Variants in MYO1E observed in about 807,000 individuals in gnomAD.
MYO1E encodes unconventional myosin-Ie.
Under a neutral mutation model 151.1 loss-of-function variants are expected in MYO1E, and 68 were observed. The observed-to-expected ratio is 0.45, with a 90% CI of 0.37 to 0.55. The LOEUF is 0.55. Ranked by LOEUF, MYO1E falls within the 20% of genes least tolerant of loss-of-function variation. The pLI is 0.00. For missense variants in MYO1E, 1,363 were observed against 1,389.3 expected (o/e 0.98, Z 0.30); for synonymous variants, 601 against 501.7 (o/e 1.20, Z -2.64).
chr15:59,305,472 GC>G (rs2080509587), intron 1 of MYO1E, among the ~76,000 whole-genome samples: 1 of 152,172 alleles, frequency 6.6e-6, no homozygotes, highest in Non-Finnish European at 1.5e-5. Flanking sequence ...TAGGATTACA[GC>G]CATGAGCCAC....
intron 1 of MYO1E, among the ~76,000 whole-genome samples, chr15:59,289,128 C>G (rs2080404743): frequency 6.6e-6 from 1 of 152,204 alleles, no homozygotes. Context: ...CGGGGCCATC[C>G]TGGACTGGAA....
At position 59,178,398 on chromosome 15, in the gene MYO1E, C is replaced by T; in HGVS notation, c.2044G>A (p.Glu682Lys). The T allele has an allele frequency of 1.9e-6, 3 of 1,614,184 alleles. No homozygotes were observed. Among genetic ancestry groups the T allele is most frequent in the Non-Finnish European group, 1.7e-6 (2 of 1,180,006 alleles). ...AGAGCCAGCCAAGCACTCACAGACT[C>T]GGGGGCTTTGATGAACACTTTACTC... ...GRSKVFIKAP[E>K]SLFLLEEMRE... The change falls in exon 19 of 28, where the codon GAG (glutamate) becomes AAG (lysine). Residue 682 changes from glutamate (E) to lysine (K), a missense_variant. Coordinates refer to ENST00000288235, the MANE Select transcript of MYO1E (RefSeq NM_004998.4).
intron 1 of MYO1E, among the ~76,000 whole-genome samples, chr15:59,295,749 A>G (rs1373181489): frequency 3.9e-5 from 6 of 152,170 alleles, no homozygotes; most frequent in African/African-American, 1.2e-4. Flanking sequence ...AAGGCTGGCA[A>G]AATTCCCCTC....
intron 1 of MYO1E, among the ~76,000 whole-genome samples, chr15:59,275,363 A>G (rs2080312155): frequency 6.6e-6 from 1 of 152,090 alleles, no homozygotes; most frequent in African/African-American, 2.4e-5. Flanking sequence ...CCAATAGGTC[A>G]CATATCAGTT....
chr15:59,206,680 T>C (rs1274504342), intron 14 of MYO1E: 8 of 489,110 alleles, frequency 1.6e-5, no homozygotes, highest in South Asian at 1.1e-4. Context: ...ATGTCAACTA[T>C]TGATAATACT....
chr15:59,222,888 T>C (rs1428525918), intron 9 of MYO1E, among the ~76,000 whole-genome samples, 171 bp downstream of exon 9: 2 of 152,186 alleles, frequency 1.3e-5, no homozygotes, highest in Non-Finnish European at 2.9e-5. Flanking sequence ...GACAGGTGCA[T>C]AGAAGAGGTC....
At chr15:59,215,277 C>T (rs2079906278) in intron 10 of MYO1E, among the ~76,000 whole-genome samples, 1 of 152,192 alleles carries the variant, frequency 6.6e-6, no homozygotes, top group African/African-American at 2.4e-5. Flanking sequence ...ATTAAACATT[C>T]ACCTTTGCCA....
chr15:59,267,516 G>GC (rs1197018743), intron 2 of MYO1E, among the ~76,000 whole-genome samples: 2 of 152,250 alleles, frequency 1.3e-5, no homozygotes. Flanking sequence ...ATAGCATGCT[G>GC]CCCCTCCAGT....
chr15:59,260,031 A>C (rs2080216351), intron 3 of MYO1E, among the ~76,000 whole-genome samples: 1 of 152,242 alleles, frequency 6.6e-6, no homozygotes, highest in Non-Finnish European at 1.5e-5. Flanking sequence ...AGTAAATACC[A>C]GTTTTACAAT....
At position 59,133,970 on chromosome 15, in the gene MYO1E, C is replaced by A. The variant is rs543093285; in HGVS notation, c.*3410G>T. 6.6e-6 allele frequency: 1 copy of A among 152,316 alleles called. No individual in the cohort carries two copies. The highest frequency in any genetic ancestry group is 2.1e-4 in the South Asian group (1 of 4,832). The allele number at this position is 152,316 out of a possible 1,614,324, so 9.4% of individuals were successfully genotyped here. On this transcript the variant is annotated 3_prime_UTR_variant, in exon 28 of 28. Coordinates refer to ENST00000288235, the MANE Select transcript of MYO1E (RefSeq NM_004998.4). ...CCATGGAGTTTGTAATTCATAAAGG[C>A]ACATCCATATTTTCTCTTACTCATT... is the stretch of plus-strand genomic sequence containing the variant.
At chr15:59,224,936 T>C in intron 7 of MYO1E, 113 bp from the exon 8 acceptor site, 1 of 1,424,200 alleles carries the variant, frequency 7.0e-7, no homozygotes, top group Non-Finnish European at 9.8e-7. Flanking sequence ...CTTTCTAAAA[T>C]TACAGGCAGT....
chr15:59,209,981 C>T (rs780233405), intron 13 of MYO1E, among the ~76,000 whole-genome samples: 3 of 151,600 alleles, frequency 2.0e-5, no homozygotes, highest in South Asian at 4.2e-4. Flanking sequence ...ACTACAGGTG[C>T]GTGCCACCAT....
intron 25 of MYO1E, among the ~76,000 whole-genome samples, chr15:59,155,170 G>A (rs1301826996): frequency 1.3e-5 from 2 of 152,168 alleles, no homozygotes; most frequent in African/African-American, 2.4e-5. Context: ...TAAAAGTGGG[G>A]TCCCCACAGG....
chr15:59,203,362 C>T (rs147309614), intron 15 of MYO1E, among the ~76,000 whole-genome samples: 158 of 149,692 alleles, frequency 1.1e-3, no homozygotes, highest in African/African-American at 3.4e-3. Flanking sequence ...AATCACCAGG[C>T]TCTGCCGGCT....
At chr15:59,146,599 G>C (rs2140302673) in intron 26 of MYO1E, among the ~76,000 whole-genome samples, 1 of 152,188 alleles carries the variant, frequency 6.6e-6, no homozygotes. Context: ...AACGGCATGA[G>C]CCACTGTGCT....
At chr15:59,337,768 G>A (rs1208263184) in intron 1 of MYO1E, among the ~76,000 whole-genome samples, 1 of 152,126 alleles carries the variant, frequency 6.6e-6, no homozygotes, top group Non-Finnish European at 1.5e-5. Flanking sequence ...GGAGGTGGAG[G>A]TTGCAGTGAG....
At chr15:59,338,078 A>G (rs1408360020) in intron 1 of MYO1E, among the ~76,000 whole-genome samples, 1 of 152,136 alleles carries the variant, frequency 6.6e-6, no homozygotes, top group Non-Finnish European at 1.5e-5. Flanking sequence ...TGGTCTTTGC[A>G]GAGTCAGGTA....
intron 1 of MYO1E, among the ~76,000 whole-genome samples, chr15:59,313,231 G>A (rs1475223895): frequency 6.6e-6 from 1 of 152,184 alleles, no homozygotes; most frequent in Non-Finnish European, 1.5e-5. Flanking sequence ...TAACCCAAAT[G>A]GGGGTCCACA....
chr15:59,199,335 G>A (rs1016144392), intron 16 of MYO1E, among the ~76,000 whole-genome samples: 12 of 152,038 alleles, frequency 7.9e-5, no homozygotes, highest in Admixed American at 7.9e-4. Flanking sequence ...CAGCCACCTC[G>A]GTCTCCCAAA....
Sources: allele counts gnomAD v4.1 joint callset (sites outside exome capture counted in the v4.1 genomes callset), GRCh38; gene constraint gnomAD v4.1.1; transcripts MANE v1.5; gene names NCBI Gene and HGNC (gene_info 2026-07-23, HGNC 2026-07-21).